Variants in BIRC6 observed in about 807,000 individuals in gnomAD.
BIRC6 encodes dual E2 ubiquitin-conjugating enzyme/E3 ubiquitin-protein ligase BIRC6.
A neutral mutation model predicts 503.3 loss-of-function variants in BIRC6; 98 were observed. The ratio of observed to expected loss-of-function variants is 0.19; its 90% CI spans 0.17 to 0.23. The LOEUF (loss-of-function observed/expected upper bound fraction) is 0.23. Ranked by LOEUF, BIRC6 falls within the 10% of genes least tolerant of loss-of-function variation. BIRC6 has a pLI of 1.00. For missense variants in BIRC6, 5,360 were observed against 5,806.0 expected (o/e 0.92, Z 2.50); for synonymous variants, 2,240 against 2,078.7 (o/e 1.08, Z -2.11).
intron 45 of BIRC6, among the ~76,000 whole-genome samples, chr2:32,494,427 T>A (rs926173414): frequency 2.6e-5 from 4 of 151,362 alleles, no homozygotes; most frequent in Non-Finnish European, 5.9e-5. Flanking sequence ...GGGGTTTCAC[T>A]ATGTTGGCCA....
intron 39 of BIRC6, among the ~76,000 whole-genome samples, chr2:32,483,988 G>A (rs1434420862): frequency 6.6e-6 from 1 of 152,052 alleles, no homozygotes. Flanking sequence ...TACACACATG[G>A]TCTTGCTCTG....
chr2:32,420,413 A>G (rs2042810600), intron 10 of BIRC6, among the ~76,000 whole-genome samples: 1 of 151,686 alleles, frequency 6.6e-6, no homozygotes, highest in African/African-American at 2.4e-5. Context: ...AAGGTTTTTT[A>G]TTTTTTATTT....
chr2:32,382,317 G>A (rs1198243884), intron 3 of BIRC6, among the ~76,000 whole-genome samples: 1 of 152,220 alleles, frequency 6.6e-6, no homozygotes, highest in Non-Finnish European at 1.5e-5. Context: ...TAGTACCTCT[G>A]AGGGAACTCT....
intron 8 of BIRC6, among the ~76,000 whole-genome samples, chr2:32,402,459 A>G (rs972588903): frequency 6.6e-6 from 1 of 152,178 alleles, no homozygotes; most frequent in African/African-American, 2.4e-5. Context: ...GTAGTCAGTG[A>G]TTTATCATTT....
At chr2:32,488,045 A>AT (rs5830229) in intron 41 of BIRC6, among the ~76,000 whole-genome samples, 152,299 of 152,300 alleles carry the variant, frequency 1, 76,149 homozygotes, top group Middle Eastern at 1. Context: ...CACAGCTGTG[A>AT]TTAGAGATTG....
intron 1 of BIRC6, among the ~76,000 whole-genome samples, chr2:32,366,390 C>T (rs1409263276): frequency 6.6e-6 from 1 of 151,908 alleles, no homozygotes; most frequent in Non-Finnish European, 1.5e-5. Flanking sequence ...TGTTCAATAC[C>T]TTCTTTATTC....
Position 32,478,628 on chromosome 2 carries a change from A to G in BIRC6, c.7069-7A>G, listed in dbSNP as rs765914702. The G allele has an allele frequency of 5.0e-6, 8 of 1,602,438 alleles. No individual in the cohort carries two copies. The Admixed American group carries it at 7.1e-5, about 14-fold the overall frequency. On this transcript the variant is annotated splice_region_variant and splice_polypyrimidine_tract_variant and intron_variant, in intron 35 of 73. Transcript: ENST00000421745. ...TTAAGTGTATGATTTTATAAAATGT[A>G]TTACAGGTTCTTGCACGCATTGCAA...
In BIRC6 at chr2:32,357,346, G is replaced by T; in HGVS notation, c.185G>T (p.Cys62Phe). Residue 62 changes from cysteine (C) to phenylalanine (F), a missense_variant, in exon 1 of 74, where the codon TGC (cysteine) becomes TTC (phenylalanine). Cys to Phe is a radical substitution (Grantham distance 205). Transcript: ENST00000421745. This position sits in a 1 kb window ranked among gnomAD's most constrained non-coding sequence, Gnocchi z 4.9. ...VSEWLVLRDGCMHCDADGLHS... is the reference protein window; with the variant it reads ...VSEWLVLRDGFMHCDADGLHS... ...GAGTGGCTGGTGCTGCGGGACGGCT[G>T]CATGCACTGCGACGCCGACGGGCTG... 1 of 1,544,506 alleles carries T rather than the reference G, an allele frequency of 6.5e-7. No individual in the cohort carries two copies. Among genetic ancestry groups the T allele is most frequent in the East Asian group, 2.5e-5 (1 of 40,680 alleles).
At chr2:32,521,616 G>A (rs1004687054) in intron 57 of BIRC6, among the ~76,000 whole-genome samples, 20 of 149,828 alleles carry the variant, frequency 1.3e-4, no homozygotes, top group Non-Finnish European at 1.5e-5. Flanking sequence ...TTATAGGCAC[G>A]CGCCACCACA....
intron 73 of BIRC6, among the ~76,000 whole-genome samples, chr2:32,613,383 A>G (rs1034553272): frequency 6.6e-6 from 1 of 150,516 alleles, no homozygotes; most frequent in Non-Finnish European, 1.5e-5. Context: ...TATTTATTTT[A>G]TTTATTTATT....
intron 6 of BIRC6, among the ~76,000 whole-genome samples, chr2:32,399,886 C>G (rs773061159): frequency 2.0e-5 from 3 of 152,002 alleles, no homozygotes; most frequent in African/African-American, 2.4e-5. Flanking sequence ...CACCCAGGCT[C>G]GAGGGATCTT....
chr2:32,361,429 A>C (rs1214687199), intron 1 of BIRC6, among the ~76,000 whole-genome samples: 1 of 152,078 alleles, frequency 6.6e-6, no homozygotes, highest in East Asian at 1.9e-4. Context: ...CAGTTCCCAT[A>C]TGCCCTCTAT....
intron 65 of BIRC6, chr2:32,563,603 A>C (rs2059342346): frequency 6.6e-6 from 1 of 152,218 alleles, no homozygotes; most frequent in South Asian, 2.1e-4. Context: ...AAAGGAGCAA[A>C]TGTATATGAA....
At chr2:32,382,558 G>A (rs192012983) in intron 3 of BIRC6, among the ~76,000 whole-genome samples, 1 of 152,306 alleles carries the variant, frequency 6.6e-6, no homozygotes, top group Admixed American at 6.5e-5. Context: ...ACAGTATGCA[G>A]AGTCCTAGCC....
At chr2:32,591,631 C>G (rs1187507832) in intron 66 of BIRC6, among the ~76,000 whole-genome samples, 1 of 152,168 alleles carries the variant, frequency 6.6e-6, no homozygotes, top group Non-Finnish European at 1.5e-5. Context: ...ACTTTCATAT[C>G]TTCCTTCTCT....
rs748105630 is a variant in BIRC6, at chr2:32,401,287, A to G, written c.1159A>G (p.Arg387Gly). The change falls in exon 7 of 74, where the codon AGA (arginine) becomes GGA (glycine). Residue 387 changes from arginine to glycine, a missense_variant. By Grantham distance (125) the Arg-to-Gly change is moderately radical (BLOSUM62 -2). Coordinates refer to ENST00000421745, the MANE Select transcript of BIRC6 (RefSeq NM_016252.4). ...AQFPCTDGTD[R>G]ISCFGSGSCP... is the part of the protein sequence containing the mutation. The stretch of plus-strand genomic sequence containing the variant: ...GTTTCCTTGTACGGATGGAACTGAC[A>G]GAATATCTTGCTTTGGGTCGGGGAG... The G allele has an allele frequency of 4.3e-6, 7 of 1,613,956 alleles. No homozygotes were observed. The highest frequency in any genetic ancestry group is 1.3e-5 in the African/African-American group (1 of 74,944).
chr2:32,431,834 T>A (rs902842633), intron 12 of BIRC6, among the ~76,000 whole-genome samples: 1 of 152,194 alleles, frequency 6.6e-6, no homozygotes, highest in African/African-American at 2.4e-5. Context: ...AGTAAACAGA[T>A]ACATATACCA....
chr2:32,427,996 A>G (rs183746173), intron 10 of BIRC6, among the ~76,000 whole-genome samples: 7 of 152,252 alleles, frequency 4.6e-5, no homozygotes, highest in East Asian at 1.9e-4. Flanking sequence ...TATTCTGCCT[A>G]GTTTTAATTT....
rs1289746414 is a variant in BIRC6, at chr2:32,442,416, T to C, written c.4199T>C (p.Ile1400Thr). The change falls in exon 19 of 74, where the codon ATA becomes ACA. Residue 1400 changes from isoleucine to threonine, a missense_variant. Coordinates refer to ENST00000421745, the MANE Select transcript of BIRC6 (RefSeq NM_016252.4). ...TGCTTCTTTGAGGCAGGACGAAGTATAGCCCATAAGTGTGCCCGATTTCTA... is the reference window on the plus strand; with the variant it reads ...TGCTTCTTTGAGGCAGGACGAAGTACAGCCCATAAGTGTGCCCGATTTCTA... ...RVCFFEAGRS[I>T]AHKCARFLAL... is the part of the protein sequence containing the mutation. The C allele has an allele frequency of 1.2e-6, 2 of 1,610,480 alleles. No homozygotes were observed. Among genetic ancestry groups the C allele is most frequent in the South Asian group, 2.2e-5 (2 of 90,328 alleles).
Sources: allele counts gnomAD v4.1 joint callset (sites outside exome capture counted in the v4.1 genomes callset), GRCh38; gene constraint gnomAD v4.1.1; non-coding constraint Gnocchi (gnomAD v3.1); transcripts MANE v1.5; gene names NCBI Gene and HGNC (gene_info 2026-07-23, HGNC 2026-07-21).